Variants in ZIC2 observed in about 807,000 individuals in gnomAD.
ZIC2 encodes the protein zinc finger protein ZIC 2.
Under a neutral mutation model 29.5 loss-of-function variants are expected in ZIC2, and 7 were observed. The ratio of observed to expected loss-of-function variants is 0.24; its 90% CI spans 0.14 to 0.45. The LOEUF is 0.45. ZIC2 is among the 20% of genes least tolerant of loss of function. ZIC2 has a pLI of 1.00. For synonymous variants in ZIC2, 408 were observed against 354.2 expected (o/e 1.15, Z -1.70); for missense variants, 589 against 781.2 (o/e 0.75, Z 2.93).
rs2053234861 is a variant in ZIC2, at chr13:99,981,925, C to A, written c.-140C>A. ...GGAGGCGGCGGGCGCAGGAGAGCGGCTCCCAGGGCTGAAGTGGCCGCCACC... is the reference window on the plus strand; with the variant it reads ...GGAGGCGGCGGGCGCAGGAGAGCGGATCCCAGGGCTGAAGTGGCCGCCACC... On this transcript the variant is annotated 5_prime_UTR_variant, in exon 1 of 3. Transcript: ENST00000376335. The A allele has an allele frequency of 1.4e-5, 17 of 1,211,966 alleles. No homozygotes were observed. In the East Asian group the frequency reaches 1.8e-4, roughly 13 times the overall value. 75.1% of individuals were successfully genotyped at this position (1,211,966 alleles called of 1,614,324 possible).
rs761822481 is a variant in ZIC2, at chr13:99,985,460, AGCGGCGGCGGCGGCTGCG to A, written c.1389_1406del (p.Ala465_Ala470del). ...CCAACCTGTCCCCAGCGGCGGCGGC[AGCGGCGGCGGCGGCTGCG>A]GCGGCGGCGGCCGCGGTGTCCGCGG... On this transcript the variant is annotated inframe_deletion, in exon 3 of 3. Transcript: ENST00000376335. This position sits in a 1 kb window ranked among gnomAD's most constrained non-coding sequence, Gnocchi z 6.3. 30 of 1,375,348 alleles carry A rather than the reference AGCGGCGGCGGCGGCTGCG, an allele frequency of 2.2e-5. No individual in the cohort carries two copies. Among genetic ancestry groups the A allele is most frequent in the Admixed American group, 9.0e-5 (3 of 33,286 alleles). 85.2% of individuals were successfully genotyped at this position (1,375,348 alleles called of 1,614,324 possible). A position where few individuals can be genotyped will look rare whatever the true frequency, so the allele number is the denominator to read the frequency against.
In ZIC2 at chr13:99,986,125, C is replaced by A; in HGVS notation, c.*443C>A. ...ATTTGTAAAACTCCGGATTGCGTTCCTCCCCGCCTTCCGCCCCTTCCCTTC... is the reference window on the plus strand; with the variant it reads ...ATTTGTAAAACTCCGGATTGCGTTCATCCCCGCCTTCCGCCCCTTCCCTTC... On this transcript the variant is annotated 3_prime_UTR_variant, in exon 3 of 3. Coordinates refer to ENST00000376335, the MANE Select transcript of ZIC2 (RefSeq NM_007129.5). The A allele has an allele frequency of 2.2e-6, 1 of 449,564 alleles. No homozygotes were observed. The highest frequency in any genetic ancestry group is 2.4e-5 in the Admixed American group (1 of 40,970). 27.8% of individuals were successfully genotyped at this position (449,564 alleles called of 1,614,324 possible).
rs1216085522 is a variant in ZIC2 at position 99,981,890 on chromosome 13, A to AGGC, written c.-166_-164dup. ...GCGCCCGGCCGCCCGAGGCAGATCC[A>AGGC]GGCGGCGGCGGAGGCGGCGGGCGCA... is the stretch of plus-strand genomic sequence containing the variant. On this transcript the variant is annotated 5_prime_UTR_variant, in exon 1 of 3. Transcript: ENST00000376335. 1.6e-6 allele frequency: 2 copies of AGGC among 1,216,674 alleles called. No homozygotes were observed. Among genetic ancestry groups the AGGC allele is most frequent in the Non-Finnish European group, 2.1e-6 (2 of 946,704 alleles). The allele number at this position is 1,216,674 out of a possible 1,614,324, so 75.4% of individuals were successfully genotyped here. A position where few individuals can be genotyped will look rare whatever the true frequency, so the allele number is the denominator to read the frequency against.
chr13:99,986,547 C>T lies in ZIC2; in HGVS notation c.*865C>T, dbSNP rs1334729851. 2 of 153,348 alleles carry T rather than the reference C, an allele frequency of 1.3e-5. No homozygotes were observed. Among genetic ancestry groups the T allele is most frequent in the African/African-American group, 4.8e-5 (2 of 41,444 alleles). 9.5% of individuals were successfully genotyped at this position (153,348 alleles called of 1,614,324 possible). A position where few individuals can be genotyped will look rare whatever the true frequency, so the allele number is the denominator to read the frequency against. On this transcript the variant is annotated 3_prime_UTR_variant, in exon 3 of 3. Transcript: ENST00000376335. ...AATAACACCCTTCCTTCTGTAAATA[C>T]CCGTTACCATATTTATCCATTTGTA...
Position 99,982,015 on chromosome 13 carries a change from G to A in ZIC2, c.-50G>A, listed in dbSNP as rs958357772. 1 of 1,213,594 alleles carries A rather than the reference G, an allele frequency of 8.2e-7. No homozygotes were observed. The highest frequency in any genetic ancestry group is 1.0e-6 in the Non-Finnish European group (1 of 977,824). The allele number at this position is 1,213,594 out of a possible 1,614,324, so 75.2% of individuals were successfully genotyped here. Reference sequence around the variant, plus strand: ...ACCGCGCGGATCGGGAGCGGGAGTCGAGGCGGCGCGGAGGCGCAGGGCTCG... The same window carrying A: ...ACCGCGCGGATCGGGAGCGGGAGTCAAGGCGGCGCGGAGGCGCAGGGCTCG... On this transcript the variant is annotated 5_prime_UTR_variant, in exon 1 of 3. Coordinates refer to ENST00000376335, the MANE Select transcript of ZIC2 (RefSeq NM_007129.5).
Position 99,985,961 on chromosome 13 carries a change from C to A in ZIC2, c.*279C>A. On this transcript the variant is annotated 3_prime_UTR_variant, in exon 3 of 3. Coordinates refer to ENST00000376335, the MANE Select transcript of ZIC2 (RefSeq NM_007129.5). This position sits in a 1 kb window ranked among gnomAD's most constrained non-coding sequence, Gnocchi z 6.3. ...AATAAAAACCCACAAAAATGTTGAA[C>A]CAAACCTCCCTGCTAATCTCCATGC... is the stretch of plus-strand genomic sequence containing the variant. 2.5e-6 allele frequency: 1 copy of A among 407,656 alleles called. No homozygotes were observed. Among genetic ancestry groups the A allele is most frequent in the Non-Finnish European group, 4.7e-6 (1 of 211,424 alleles). The allele number at this position is 407,656 out of a possible 1,614,324, so 25.3% of individuals were successfully genotyped here.
Position 99,981,863 on chromosome 13 carries a change from A to C in ZIC2, c.-202A>C. On this transcript the variant is annotated 5_prime_UTR_variant, in exon 1 of 3. Transcript: ENST00000376335. ...TCCTCTTCCTCTCCGCGCCTTCGCT[A>C]CGCGCCCGGCCGCCCGAGGCAGATC... The C allele has an allele frequency of 9.1e-7, 1 of 1,099,646 alleles. No individual in the cohort carries two copies. The highest frequency in any genetic ancestry group is 1.2e-6 in the Non-Finnish European group (1 of 823,604). 68.1% of individuals were successfully genotyped at this position (1,099,646 alleles called of 1,614,324 possible). A position where few individuals can be genotyped will look rare whatever the true frequency, so the allele number is the denominator to read the frequency against.
In ZIC2 at chr13:99,982,030, C is replaced by A; in HGVS notation, c.-35C>A. On this transcript the variant is annotated 5_prime_UTR_variant, in exon 1 of 3. Transcript: ENST00000376335. ...AGCGGGAGTCGAGGCGGCGCGGAGG[C>A]GCAGGGCTCGCAGGGGCGGGCGGGC... The A allele has an allele frequency of 4.1e-6, 5 of 1,220,374 alleles. No individual in the cohort carries two copies. Among genetic ancestry groups the A allele is most frequent in the Non-Finnish European group, 5.1e-6 (5 of 982,032 alleles). 75.6% of individuals were successfully genotyped at this position (1,220,374 alleles called of 1,614,324 possible). A position where few individuals can be genotyped will look rare whatever the true frequency, so the allele number is the denominator to read the frequency against.
rs752851904 is a variant in ZIC2 at position 99,985,448 on chromosome 13, AGCGGCGGCGGCAGCG to A, written c.1377_1391del (p.Ala466_Ala470del). 61 of 1,417,438 alleles carry A rather than the reference AGCGGCGGCGGCAGCG, an allele frequency of 4.3e-5. 1 individual carries two copies. Among genetic ancestry groups the A allele is most frequent in the East Asian group, 3.3e-4 (12 of 36,392 alleles). 87.8% of individuals were successfully genotyped at this position (1,417,438 alleles called of 1,614,324 possible). A position where few individuals can be genotyped will look rare whatever the true frequency, so the allele number is the denominator to read the frequency against. On this transcript the variant is annotated inframe_deletion, in exon 3 of 3. Coordinates refer to ENST00000376335, the MANE Select transcript of ZIC2 (RefSeq NM_007129.5). The surrounding 1 kb of genome is among the most constrained non-coding windows in gnomAD (Gnocchi z 6.3). ...CCCAGAGCAGCTCCAACCTGTCCCC[AGCGGCGGCGGCAGCG>A]GCGGCGGCGGCTGCGGCGGCGGCGG...
chr13:99,985,179 C>G lies in ZIC2; in HGVS notation c.1239+70C>G. ...CCGGTGCAGCACTGGCCCGGACCAC[C>G]TCAGCCGGCCTGGGAGGGTCCCCAG... On this transcript the variant is annotated intron_variant, in intron 2 of 2. Coordinates refer to ENST00000376335, the MANE Select transcript of ZIC2 (RefSeq NM_007129.5). This position sits in a 1 kb window ranked among gnomAD's most constrained non-coding sequence, Gnocchi z 6.3. The G allele has an allele frequency of 1.2e-6, 2 of 1,610,580 alleles. No homozygotes were observed. Among genetic ancestry groups the G allele is most frequent in the Non-Finnish European group, 1.7e-6 (2 of 1,178,106 alleles).
chr13:99,983,063 C>T lies in ZIC2; in HGVS notation c.999C>T (p.Phe333=). The change falls in exon 1 of 3, where the codon TTC becomes TTT. Residue 333 remains phenylalanine, a synonymous_variant. Coordinates refer to ENST00000376335, the MANE Select transcript of ZIC2 (RefSeq NM_007129.5). This position sits in a 1 kb window ranked among gnomAD's most constrained non-coding sequence, Gnocchi z 4.7. The part of the protein sequence containing the change: ...HIRVHTGEKP[F]PCPFPGCGKV... ...GCGTGCACACAGGCGAGAAACCCTT[C>T]CCCTGCCCCTTCCCGGGCTGTGGCA... 6.2e-7 allele frequency: 1 copy of T among 1,614,150 alleles called. No individual in the cohort carries two copies. Among genetic ancestry groups the T allele is most frequent in the South Asian group, 1.1e-5 (1 of 91,074 alleles).
rs1217420633 is a variant in ZIC2, at chr13:99,983,066, C to T, written c.1002C>T (p.Pro334=). 1.2e-6 allele frequency: 2 copies of T among 1,614,192 alleles called. No homozygotes were observed. The highest frequency in any genetic ancestry group is 1.1e-5 in the South Asian group (1 of 91,088). The change falls in exon 1 of 3, where the codon CCC becomes CCT. Residue 334 remains proline (P), a synonymous_variant. Coordinates refer to ENST00000376335, the MANE Select transcript of ZIC2 (RefSeq NM_007129.5). The surrounding 1 kb of genome is among the most constrained non-coding windows in gnomAD (Gnocchi z 4.7). The part of the protein sequence containing the change: ...IRVHTGEKPF[P]CPFPGCGKVF... ...TGCACACAGGCGAGAAACCCTTCCC[C>T]TGCCCCTTCCCGGGCTGTGGCAAAG...
At chr13:99,984,764 C>G in intron 1 of ZIC2, 182 bp from the exon 2 acceptor site, 1 of 664,016 alleles carries the variant, frequency 1.5e-6, no homozygotes, top group Admixed American at 2.4e-5. Context: ...ATGAGCAGGA[C>G]TGTCGGGCGG....
rs939066191 is a variant in ZIC2, at chr13:99,983,271, C to G, written c.1075+132C>G. ...GGGATGGGAGGTGTTTTTGCGTGTA[C>G]GAAAGAGCCAGCAGCTTGTTTCTGT... is the stretch of plus-strand genomic sequence containing the variant. On this transcript the variant is annotated intron_variant, in intron 1 of 2. Coordinates refer to ENST00000376335, the MANE Select transcript of ZIC2 (RefSeq NM_007129.5). The surrounding 1 kb of genome is among the most constrained non-coding windows in gnomAD (Gnocchi z 4.7). 264 of 1,210,052 alleles carry G rather than the reference C, an allele frequency of 2.2e-4. No homozygotes were observed. Among genetic ancestry groups the G allele is most frequent in the Non-Finnish European group, 2.9e-4 (255 of 880,186 alleles). The allele number at this position is 1,210,052 out of a possible 1,614,324, so 75.0% of individuals were successfully genotyped here.
rs1358217100 is a variant in ZIC2, at chr13:99,986,475, A to G, written c.*793A>G. ...AGTTCAATTTGTTAGTTCCTGTATGAAAGATTGTGGGGGAAAAATAAACGT... is the reference window on the plus strand; with the variant it reads ...AGTTCAATTTGTTAGTTCCTGTATGGAAGATTGTGGGGGAAAAATAAACGT... On this transcript the variant is annotated 3_prime_UTR_variant, in exon 3 of 3. Coordinates refer to ENST00000376335, the MANE Select transcript of ZIC2 (RefSeq NM_007129.5). 1 of 154,168 alleles carries G rather than the reference A, an allele frequency of 6.5e-6. No individual in the cohort carries two copies. The highest frequency in any genetic ancestry group is 2.4e-5 in the African/African-American group (1 of 41,464). 9.6% of individuals were successfully genotyped at this position (154,168 alleles called of 1,614,324 possible).
At chr13:99,984,732 A>T in intron 1 of ZIC2, 1 of 582,144 alleles carries the variant, frequency 1.7e-6, no homozygotes, top group Non-Finnish European at 3.0e-6. Flanking sequence ...GTCAGCCTGG[A>T]AGAAAGTAAA....
rs770150878 is a variant in ZIC2, at chr13:99,986,291, T to A, written c.*609T>A. 1.6e-5 allele frequency: 5 copies of A among 303,380 alleles called. No individual in the cohort carries two copies. Among genetic ancestry groups the A allele is most frequent in the Non-Finnish European group, 3.2e-5 (5 of 156,162 alleles). The allele number at this position is 303,380 out of a possible 1,614,324, so 18.8% of individuals were successfully genotyped here. ...TGAGGCAACCTGATTGTAAACTTCATGTAACTATAGACTGGAAAAAATGAG... is the reference window on the plus strand; with the variant it reads ...TGAGGCAACCTGATTGTAAACTTCAAGTAACTATAGACTGGAAAAAATGAG... On this transcript the variant is annotated 3_prime_UTR_variant, in exon 3 of 3. Coordinates refer to ENST00000376335, the MANE Select transcript of ZIC2 (RefSeq NM_007129.5).
In ZIC2 at chr13:99,983,177, G is replaced by T. The variant is rs1206887448; in HGVS notation, c.1075+38G>T. 6.2e-7 allele frequency: 1 copy of T among 1,607,488 alleles called. No homozygotes were observed. The highest frequency in any genetic ancestry group is 1.3e-5 in the African/African-American group (1 of 74,634). On this transcript the variant is annotated intron_variant, in intron 1 of 2. Transcript: ENST00000376335. The surrounding 1 kb of genome is among the most constrained non-coding windows in gnomAD (Gnocchi z 4.7). ...TGGGACAGGGACCAGGCGCGGAGGGGAGACACGCACAGGCTGAGACTCAGG... is the reference window on the plus strand; with the variant it reads ...TGGGACAGGGACCAGGCGCGGAGGGTAGACACGCACAGGCTGAGACTCAGG...
chr13:99,982,332 G>A lies in ZIC2; in HGVS notation c.268G>A (p.Ala90Thr). ...QGPGAYPGSA[A>T]AAAAAAALGP... ...CCCCGGCGCCTACCCCGGCTCCGCTGCGGCTGCCGCTGCGGCCGCAGCGCT... is the reference window on the plus strand; with the variant it reads ...CCCCGGCGCCTACCCCGGCTCCGCTACGGCTGCCGCTGCGGCCGCAGCGCT... The change falls in exon 1 of 3, where the codon GCG becomes ACG. Residue 90 changes from alanine to threonine, a missense_variant. This residue lies in a region of ZIC2 where 358 missense variants were observed against 382.0 expected (regional missense o/e 0.94). Coordinates refer to ENST00000376335, the MANE Select transcript of ZIC2 (RefSeq NM_007129.5). 1 of 1,465,332 alleles carries A rather than the reference G, an allele frequency of 6.8e-7. No homozygotes were observed. The highest frequency in any genetic ancestry group is 1.3e-5 in the South Asian group (1 of 74,832). 90.8% of individuals were successfully genotyped at this position (1,465,332 alleles called of 1,614,324 possible).
Sources: gnomAD v4.1 joint callset for allele counts on GRCh38, gnomAD v4.1.1 for gene constraint, gnomAD v4.1.1 regional missense constraint, Gnocchi (gnomAD v3.1) non-coding constraint, MANE v1.5 for transcripts, NCBI Gene and HGNC (gene_info 2026-07-23, HGNC 2026-07-21) for gene names.